Variants in DNAI1 observed in about 807,000 individuals in gnomAD.
DNAI1 encodes the protein dynein axonemal intermediate chain 1, also known as dynein, axonemal, intermediate polypeptide 1.
A neutral mutation model predicts 92.0 loss-of-function variants in DNAI1; 67 were observed. The observed-to-expected ratio is 0.73, with a 90% CI of 0.60 to 0.89. The LOEUF is 0.89. DNAI1 is among the 40% of genes least tolerant of loss of function. The pLI is 0.00. For missense variants in DNAI1, 839 were observed against 866.6 expected, an observed-to-expected ratio of 0.97 and a Z score of 0.40; for synonymous variants, 323 against 319.6, an observed-to-expected ratio of 1.01 and a Z score of -0.11.
At chr9:34,494,889 G>A (rs1021138780) in intron 9 of DNAI1, among the ~76,000 whole-genome samples, 1 of 152,184 alleles carries the variant, frequency 6.6e-6, no homozygotes, top group Admixed American at 6.5e-5. Context: ...CAAGTACTGG[G>A]CCAGGCTGTC....
rs187206141 is a variant in DNAI1, at chr9:34,483,860, A to G, written c.81+380A>G. Among the ~76,000 whole-genome samples, 233 of 152,348 alleles carry G rather than the reference A, an allele frequency of 1.5e-3. 1 individual carries two copies. Among genetic ancestry groups the G allele is most frequent in the South Asian group, 8.9e-3 (43 of 4,826 alleles). On this transcript the variant is annotated intron_variant, in intron 2 of 19. Transcript: ENST00000242317. ...TGAAATTACTACATAATATTTTACC[A>G]TATGTTCCTTAAGACTGTACCATAA... is the stretch of plus-strand genomic sequence containing the variant.
At chr9:34,509,912 A>AG (rs1825031514) in intron 13 of DNAI1, among the ~76,000 whole-genome samples, 1 of 151,916 alleles carries the variant, frequency 6.6e-6, no homozygotes, top group Non-Finnish European at 1.5e-5. Flanking sequence ...AAAAAAAAAA[A>AG]AAAGAAAAAA....
At chr9:34,494,471 C>T (rs1406388093) in intron 9 of DNAI1, among the ~76,000 whole-genome samples, 1 of 152,162 alleles carries the variant, frequency 6.6e-6, no homozygotes, top group Non-Finnish European at 1.5e-5. Context: ...TCCCCTGATC[C>T]ATTCTCTAGA....
chr9:34,520,971 T>C lies in DNAI1; in HGVS notation c.*215T>C. On this transcript the variant is annotated 3_prime_UTR_variant, in exon 20 of 20. Coordinates refer to ENST00000242317, the MANE Select transcript of DNAI1 (RefSeq NM_012144.4). ...CCCTCTAACTTTGCACAAATAAACC[T>C]GTGTAGAAACCCACCCCACACCTTT... 1.6e-6 allele frequency: 1 copy of C among 618,184 alleles called. No homozygotes were observed. Among genetic ancestry groups the C allele is most frequent in the South Asian group, 1.9e-5 (1 of 53,360 alleles). The allele number at this position is 618,184 out of a possible 1,614,324, so 38.3% of individuals were successfully genotyped here. A position where few individuals can be genotyped will look rare whatever the true frequency, so the allele number is the denominator to read the frequency against.
intron 13 of DNAI1, 50 bp from the exon 14 acceptor site, chr9:34,512,059 A>G: frequency 6.3e-7 from 1 of 1,582,750 alleles, no homozygotes; most frequent in South Asian, 1.1e-5. Context: ...CCACAGCCCT[A>G]ACTCAACACT....
chr9:34,491,835 C>T (rs1824603191), intron 8 of DNAI1, among the ~76,000 whole-genome samples: 1 of 152,200 alleles, frequency 6.6e-6, no homozygotes, highest in African/African-American at 2.4e-5. Context: ...TCTTCCATGA[C>T]CAGGGGAGAA....
intron 13 of DNAI1, among the ~76,000 whole-genome samples, chr9:34,509,731 A>G (rs1487266138): frequency 6.6e-6 from 1 of 152,074 alleles, no homozygotes; most frequent in Non-Finnish European, 1.5e-5. Context: ...GTGGGGTAGC[A>G]AAATCAATAG....
At chr9:34,478,117 C>T (rs1211398961) in intron 1 of DNAI1, among the ~76,000 whole-genome samples, 1 of 151,924 alleles carries the variant, frequency 6.6e-6, no homozygotes, top group Admixed American at 6.6e-5. Context: ...GAACTCCTAG[C>T]CTCAAGTGAT....
At chr9:34,514,097 G>A (rs968829155) in intron 16 of DNAI1, among the ~76,000 whole-genome samples, 2 of 152,170 alleles carry the variant, frequency 1.3e-5, no homozygotes, top group South Asian at 4.1e-4. Context: ...CCTCTCTTAA[G>A]GAGAGAAGGC....
intron 19 of DNAI1, among the ~76,000 whole-genome samples, chr9:34,519,220 C>A (rs1390932201): frequency 1.3e-5 from 2 of 152,172 alleles, no homozygotes; most frequent in Non-Finnish European, 2.9e-5. Context: ...TGCAGACTCC[C>A]TGCCCTTTCC....
intron 1 of DNAI1, among the ~76,000 whole-genome samples, chr9:34,469,260 CTTTTTTTTTTTTT>C (rs35082433): frequency 1.7e-4 from 14 of 80,190 alleles, no homozygotes; most frequent in Admixed American, 3.0e-4. Context: ...AATGGAATGG[CTTTTTTTTTTTTT>C]TTTTTTTTTT....
intron 1 of DNAI1, among the ~76,000 whole-genome samples, chr9:34,481,899 G>A (rs1198602910): frequency 2.6e-5 from 4 of 152,208 alleles, no homozygotes; most frequent in Non-Finnish European, 4.4e-5. Context: ...CAGTGTGGAA[G>A]GGGACCCGAG....
intron 1 of DNAI1, among the ~76,000 whole-genome samples, chr9:34,483,060 G>T (rs1296628146): frequency 6.6e-6 from 1 of 152,232 alleles, no homozygotes; most frequent in Non-Finnish European, 1.5e-5. Flanking sequence ...TGCTCCGAGT[G>T]CGGGGCCCAC....
At chr9:34,515,852 G>A (rs1050531062) in intron 18 of DNAI1, among the ~76,000 whole-genome samples, 8 of 152,184 alleles carry the variant, frequency 5.3e-5, no homozygotes, top group Admixed American at 5.2e-4. Flanking sequence ...TGTAGAGAAG[G>A]TTGCATAACT....
chr9:34,477,243 T>C (rs563303573), intron 1 of DNAI1, among the ~76,000 whole-genome samples: 2 of 152,282 alleles, frequency 1.3e-5, no homozygotes, highest in Non-Finnish European at 2.9e-5. Context: ...GGTCTTGAAC[T>C]CTTGGAGGCT....
At chr9:34,465,635 G>A (rs1824024362) in intron 1 of DNAI1, among the ~76,000 whole-genome samples, 1 of 152,320 alleles carries the variant, frequency 6.6e-6, no homozygotes, top group African/African-American at 2.4e-5. Context: ...CTGTGTACTA[G>A]GGGGCCTAGC....
chr9:34,487,477 G>A (rs753182177), intron 4 of DNAI1, among the ~76,000 whole-genome samples: 3 of 152,018 alleles, frequency 2.0e-5, no homozygotes, highest in East Asian at 1.9e-4. Context: ...GAGCCACTGC[G>A]CCTGGCCCCA....
At chr9:34,464,367 C>T (rs528200581) in intron 1 of DNAI1, among the ~76,000 whole-genome samples, 83 of 152,260 alleles carry the variant, frequency 5.5e-4, no homozygotes, top group Non-Finnish European at 1.0e-4. Context: ...CTACCTGGGT[C>T]TCTATACCTT....
chr9:34,486,549 G>A (rs1364473330), intron 4 of DNAI1, among the ~76,000 whole-genome samples: 1 of 152,052 alleles, frequency 6.6e-6, no homozygotes, highest in Non-Finnish European at 1.5e-5. Context: ...CAGTCAAAAT[G>A]AAACCTCCCT....
Sources: allele counts gnomAD v4.1 joint callset (sites outside exome capture counted in the v4.1 genomes callset), GRCh38; gene constraint gnomAD v4.1.1; transcripts MANE v1.5; gene names NCBI Gene and HGNC (gene_info 2026-07-23, HGNC 2026-07-21).